Variants in UNC5C observed in about 807,000 individuals in gnomAD.
UNC5C encodes the protein netrin receptor UNC5C.
In UNC5C, 47 loss-of-function variants were observed where a neutral mutation model predicts 99.8. That is an observed-to-expected ratio of 0.47 (90% CI 0.37 to 0.60). The LOEUF (loss-of-function observed/expected upper bound fraction) is 0.60, where lower values mean the gene tolerates loss of function less well. Among genes scored for constraint, UNC5C ranks in the 20% least tolerant of loss-of-function variants. UNC5C has a pLI of 0.00. For missense variants in UNC5C, 1,062 were observed against 1,165.9 expected (o/e 0.91, Z 1.30); for synonymous variants, 487 against 452.2 (o/e 1.08, Z -0.98).
rs1167184618 is a variant in UNC5C, at chr4:95,165,568, A to G, written c.*3666T>C. On this transcript the variant is annotated 3_prime_UTR_variant, in exon 16 of 16. Transcript: ENST00000453304. ...CTTCCAGATACATTAAGGAAACTTG[A>G]AAGAGTGTGATAAGAAGAAAATAAA... 6.6e-6 allele frequency: 1 copy of G among 152,216 alleles called. No homozygotes were observed. Among genetic ancestry groups the G allele is most frequent in the Admixed American group, 6.5e-5 (1 of 15,282 alleles). The allele number at this position is 152,216 out of a possible 1,614,324, so 9.4% of individuals were successfully genotyped here.
chr4:95,429,160 A>G lies in UNC5C; in HGVS notation c.125-93529T>C, dbSNP rs376914730. On this transcript the variant is annotated intron_variant, in intron 1 of 15. Transcript: ENST00000453304. ...GGCCTCTTCTAGTTCATTAGGTAGCACTTTAAAACTAGCGTTTAGATGACA... is the reference window on the plus strand; with the variant it reads ...GGCCTCTTCTAGTTCATTAGGTAGCGCTTTAAAACTAGCGTTTAGATGACA... Among the ~76,000 whole-genome samples the G allele has an allele frequency of 1.8e-4, 27 of 152,178 alleles. No homozygotes were observed. The South Asian group carries it at 4.1e-3, about 23-fold the overall frequency.
chr4:95,545,588 T>C lies in UNC5C; in HGVS notation c.124+3146A>G, dbSNP rs189333204. 2.0e-5 allele frequency among the ~76,000 whole-genome samples: 3 copies of C among 152,278 alleles called. No individual in the cohort carries two copies. The East Asian group carries it at 5.8e-4, about 29-fold the overall frequency. On this transcript the variant is annotated intron_variant, in intron 1 of 15. Transcript: ENST00000453304. ...ACTATGAATTAAGATAATAGGGAATTATCCCAATCTAATTAGAGACTTCAG... is the reference window on the plus strand; with the variant it reads ...ACTATGAATTAAGATAATAGGGAATCATCCCAATCTAATTAGAGACTTCAG...
At chr4:95,246,642 G>T (rs918253026) in intron 5 of UNC5C, among the ~76,000 whole-genome samples, 9 of 151,540 alleles carry the variant, frequency 5.9e-5, no homozygotes, top group African/African-American at 9.7e-5. Flanking sequence ...TAATGTATAT[G>T]TATATAATTT....
rs1276982321 is a variant in UNC5C, at chr4:95,481,114, T to C, written c.124+67620A>G. On this transcript the variant is annotated intron_variant, in intron 1 of 15. Transcript: ENST00000453304. Reference sequence around the variant, plus strand: ...TGATTGTATATCTAGAAAACCCCATTGTCTCAGCCCAAAATCTCCTTAAGC... The same window carrying C: ...TGATTGTATATCTAGAAAACCCCATCGTCTCAGCCCAAAATCTCCTTAAGC... 4.6e-4 allele frequency among the ~76,000 whole-genome samples: 69 copies of C among 151,578 alleles called. No homozygotes were observed. In the East Asian group the frequency reaches 7.8e-3, roughly 17 times the overall value.
intron 4 of UNC5C, among the ~76,000 whole-genome samples, chr4:95,266,460 A>G (rs1288183849): frequency 6.6e-6 from 1 of 152,238 alleles, no homozygotes; most frequent in Non-Finnish European, 1.5e-5. Context: ...GGACTAGAGC[A>G]TATTGACAGT....
intron 1 of UNC5C, among the ~76,000 whole-genome samples, chr4:95,510,152 TTC>T (rs1428768087): frequency 6.6e-6 from 1 of 152,066 alleles, no homozygotes; most frequent in Non-Finnish European, 1.5e-5. Flanking sequence ...GTTTTCCAAA[TTC>T]TCTTTGATGT....
At chr4:95,410,183 G>A (rs755393465) in intron 1 of UNC5C, among the ~76,000 whole-genome samples, 13 of 152,112 alleles carry the variant, frequency 8.5e-5, no homozygotes, top group Non-Finnish European at 1.3e-4. Flanking sequence ...TGACACCGCT[G>A]ATTTTCAGAG....
At chr4:95,527,206 C>A (rs948847430) in intron 1 of UNC5C, among the ~76,000 whole-genome samples, 1 of 151,980 alleles carries the variant, frequency 6.6e-6, no homozygotes, top group Non-Finnish European at 1.5e-5. Context: ...ATTTCAATTC[C>A]CAATATATTA....
intron 9 of UNC5C, 45 bp downstream of exon 9, chr4:95,218,922 AAT>A: frequency 6.6e-7 from 1 of 1,518,762 alleles, no homozygotes; most frequent in Non-Finnish European, 8.8e-7. Flanking sequence ...GGTATGGAAA[AAT>A]ATGTTTCAAG....
chr4:95,370,453 C>G (rs1744710645), intron 1 of UNC5C, among the ~76,000 whole-genome samples: 2 of 151,998 alleles, frequency 1.3e-5, no homozygotes, highest in Admixed American at 1.3e-4. Context: ...AATATGCTAG[C>G]AGGAAAAATG....
intron 2 of UNC5C, among the ~76,000 whole-genome samples, chr4:95,331,190 A>G (rs771208240): frequency 6.6e-6 from 1 of 152,092 alleles, no homozygotes; most frequent in Non-Finnish European, 1.5e-5. Context: ...TTGTTTGTAT[A>G]TATCACATTT....
At chr4:95,463,601 G>T (rs1280433436) in intron 1 of UNC5C, among the ~76,000 whole-genome samples, 1 of 152,116 alleles carries the variant, frequency 6.6e-6, no homozygotes, top group Non-Finnish European at 1.5e-5. Flanking sequence ...CATGACTTGT[G>T]AGACAAAAGA....
intron 1 of UNC5C, among the ~76,000 whole-genome samples, chr4:95,370,228 T>C (rs1037282575): frequency 2.0e-5 from 3 of 152,272 alleles, no homozygotes; most frequent in African/African-American, 7.2e-5. Context: ...AATATTTTAT[T>C]ATGGAATACA....
intron 12 of UNC5C, among the ~76,000 whole-genome samples, chr4:95,188,307 G>GACTGA (rs1736916623): frequency 6.6e-6 from 1 of 152,108 alleles, no homozygotes; most frequent in Admixed American, 6.6e-5. Context: ...TTGCACTAAA[G>GACTGA]ACGTTCATGA....
chr4:95,364,802 G>A (rs960724545), intron 1 of UNC5C, among the ~76,000 whole-genome samples: 3 of 152,022 alleles, frequency 2.0e-5, no homozygotes, highest in Non-Finnish European at 4.4e-5. Flanking sequence ...CCACTTCATC[G>A]TCATCAAATC....
intron 5 of UNC5C, among the ~76,000 whole-genome samples, chr4:95,247,718 T>C (rs963148601): frequency 2.0e-5 from 3 of 152,220 alleles, no homozygotes; most frequent in African/African-American, 7.2e-5. Flanking sequence ...ACTAAGTTAC[T>C]TGCGTTTGAT....
At chr4:95,497,141 C>T (rs757691281) in intron 1 of UNC5C, among the ~76,000 whole-genome samples, 3 of 151,906 alleles carry the variant, frequency 2.0e-5, no homozygotes, top group East Asian at 1.9e-4. Context: ...TATAAACATG[C>T]GTGTGCATGT....
At chr4:95,277,968 T>C (rs1282171998) in intron 4 of UNC5C, among the ~76,000 whole-genome samples, 1 of 152,194 alleles carries the variant, frequency 6.6e-6, no homozygotes, top group Non-Finnish European at 1.5e-5. Context: ...TCATACCATC[T>C]CTCTATGATA....
Position 95,279,987 on chromosome 4 carries a change from G to A in UNC5C, c.491-1625C>T, listed in dbSNP as rs1740995493. Among the ~76,000 whole-genome samples the A allele has an allele frequency of 2.0e-5, 3 of 152,244 alleles. No individual in the cohort carries two copies. The South Asian group carries it at 6.2e-4, about 32-fold the overall frequency. On this transcript the variant is annotated intron_variant, in intron 3 of 15. Coordinates refer to ENST00000453304, the MANE Select transcript of UNC5C (RefSeq NM_003728.4). ...CATCTGTAGTTCACATAGGGTTCAT[G>A]CTCCCGTGAGAATCTAATGCCACCA... is the stretch of plus-strand genomic sequence containing the variant.
Sources: allele counts gnomAD v4.1 joint callset (sites outside exome capture counted in the v4.1 genomes callset), GRCh38; gene constraint gnomAD v4.1.1; transcripts MANE v1.5; gene names NCBI Gene and HGNC (gene_info 2026-07-23, HGNC 2026-07-21).